STIM2: variants seen among roughly 807,000 people sequenced by gnomAD.
STIM2 encodes the protein stromal interaction molecule 2.
A neutral mutation model predicts 85.8 loss-of-function variants in STIM2; 31 were observed. The observed-to-expected ratio is 0.36, with a 90% CI of 0.27 to 0.49. The LOEUF (loss-of-function observed/expected upper bound fraction) is 0.49. Among genes scored for constraint, STIM2 ranks in the 20% least tolerant of loss-of-function variants. The pLI, the probability that STIM2 is intolerant of heterozygous loss-of-function variation, is 0.98. For synonymous variants in STIM2, 356 were observed against 331.1 expected, an observed-to-expected ratio of 1.08 and a Z score of -0.82; for missense variants, 841 against 927.6, an observed-to-expected ratio of 0.91 and a Z score of 1.21.
At chr4:26,913,602 G>T (rs1337294002) in intron 1 of STIM2, among the ~76,000 whole-genome samples, 1 of 152,186 alleles carries the variant, frequency 6.6e-6, no homozygotes, top group African/African-American at 2.4e-5. Context: ...TTTAAATTCA[G>T]TGTTAAAAGG....
intron 1 of STIM2, among the ~76,000 whole-genome samples, chr4:26,892,234 T>A (rs1392586093): frequency 2.6e-5 from 4 of 152,202 alleles, no homozygotes; most frequent in Non-Finnish European, 5.9e-5. Context: ...TTTAAGAAAT[T>A]ACCAAAGACT....
intron 1 of STIM2, among the ~76,000 whole-genome samples, chr4:26,880,658 AAT>A (rs1011786769): frequency 6.8e-6 from 1 of 146,734 alleles, no homozygotes; most frequent in South Asian, 2.1e-4. Context: ...TATATATATA[AAT>A]ATATATGTAA....
chr4:26,896,158 G>T (rs920258707), intron 1 of STIM2, among the ~76,000 whole-genome samples: 64 of 152,276 alleles, frequency 4.2e-4, no homozygotes, highest in African/African-American at 1.5e-3. Flanking sequence ...GCCTGTTGTT[G>T]CCTGATACAT....
At chr4:26,897,062 T>C (rs1254439030) in intron 1 of STIM2, among the ~76,000 whole-genome samples, 3 of 152,224 alleles carry the variant, frequency 2.0e-5, no homozygotes, top group African/African-American at 7.2e-5. Context: ...AAATATTTCA[T>C]TGTATGGAGG....
chr4:26,861,921 C>T (rs541933866), intron 1 of STIM2, among the ~76,000 whole-genome samples: 1 of 151,994 alleles, frequency 6.6e-6, no homozygotes, highest in African/African-American at 2.4e-5. Context: ...GCAGAAATGC[C>T]TAAGTTTACA....
chr4:26,999,381 A>C, intron 5 of STIM2, 34 bp downstream of exon 5: 1 of 1,335,212 alleles, frequency 7.5e-7, no homozygotes, highest in Non-Finnish European at 1.0e-6. Context: ...GGATGATGTA[A>C]AAGAATATCC....
intron 3 of STIM2, among the ~76,000 whole-genome samples, chr4:26,973,077 G>A (rs1206510262): frequency 6.6e-6 from 1 of 152,016 alleles, no homozygotes; most frequent in Non-Finnish European, 1.5e-5. Context: ...CTGTGGGATC[G>A]GTAGTGATAT....
intron 1 of STIM2, among the ~76,000 whole-genome samples, chr4:26,914,977 T>C (rs967398486): frequency 2.6e-5 from 4 of 152,224 alleles, no homozygotes; most frequent in African/African-American, 9.6e-5. Context: ...TACTTAATTC[T>C]CTGATGCTGG....
intron 3 of STIM2, among the ~76,000 whole-genome samples, chr4:26,977,084 C>A (rs556050832): frequency 6.6e-6 from 1 of 152,208 alleles, no homozygotes; most frequent in African/African-American, 2.4e-5. Flanking sequence ...AGGAAGAAGT[C>A]CCCCAAGAAG....
At chr4:27,019,685 T>G (rs1319345917) in intron 11 of STIM2, 1 of 367,002 alleles carries the variant, frequency 2.7e-6, no homozygotes, top group Non-Finnish European at 5.2e-6. Context: ...TTTACTGATT[T>G]TTTTTTTTTA....
chr4:27,014,475 T>G (rs931757338), intron 10 of STIM2, among the ~76,000 whole-genome samples: 3 of 144,794 alleles, frequency 2.1e-5, no homozygotes, highest in East Asian at 2.0e-4. Context: ...TGTATGTATG[T>G]TTTTTTTTTT....
At chr4:26,974,775 T>C (rs1374469683) in intron 3 of STIM2, among the ~76,000 whole-genome samples, 1 of 152,196 alleles carries the variant, frequency 6.6e-6, no homozygotes, top group Non-Finnish European at 1.5e-5. Flanking sequence ...TGAATTTGAA[T>C]GTTGGCCTGC....
chr4:27,001,952 C>CT (rs760780883), intron 5 of STIM2, among the ~76,000 whole-genome samples: 7 of 152,150 alleles, frequency 4.6e-5, no homozygotes, highest in Non-Finnish European at 5.9e-5. Flanking sequence ...GTCCCCATGA[C>CT]TTTGACCACT....
intron 1 of STIM2, among the ~76,000 whole-genome samples, chr4:26,884,191 C>T (rs962083007): frequency 6.6e-6 from 1 of 152,002 alleles, no homozygotes; most frequent in Admixed American, 6.6e-5. Context: ...TGAGCCCCTT[C>T]GATGTGGGAG....
At chr4:27,015,242 A>G (rs1293886357) in intron 10 of STIM2, among the ~76,000 whole-genome samples, 2 of 151,980 alleles carry the variant, frequency 1.3e-5, no homozygotes, top group African/African-American at 4.8e-5. Flanking sequence ...ATTCTCTTGA[A>G]CAATTCAGGA....
intron 3 of STIM2, among the ~76,000 whole-genome samples, chr4:26,961,166 A>G (rs1726441765): frequency 6.6e-6 from 1 of 152,198 alleles, no homozygotes; most frequent in African/African-American, 2.4e-5. Context: ...TGAGGTTGCT[A>G]AAAAATGAAG....
intron 3 of STIM2, among the ~76,000 whole-genome samples, chr4:26,973,765 A>G (rs1160543027): frequency 6.6e-6 from 1 of 152,202 alleles, no homozygotes; most frequent in Non-Finnish European, 1.5e-5. Flanking sequence ...CGCTTGGTGC[A>G]GAGCTGAGTT....
chr4:26,991,013 A>T (rs1440832655), intron 3 of STIM2, among the ~76,000 whole-genome samples: 1 of 152,134 alleles, frequency 6.6e-6, no homozygotes, highest in Admixed American at 6.5e-5. Flanking sequence ...ATTAAGGAAA[A>T]CAGTATGGAG....
At chr4:26,875,490 A>G (rs1722783763) in intron 1 of STIM2, among the ~76,000 whole-genome samples, 1 of 152,154 alleles carries the variant, frequency 6.6e-6, no homozygotes, top group South Asian at 2.1e-4. Context: ...ATATGTTAAT[A>G]ATTAGGATTA....
Sources: gnomAD v4.1 joint callset for allele counts (sites outside exome capture counted in the v4.1 genomes callset) on GRCh38, gnomAD v4.1.1 for gene constraint, MANE v1.5 for transcripts, NCBI Gene and HGNC (gene_info 2026-07-23, HGNC 2026-07-21) for gene names.